KRT5: variants seen among roughly 807,000 people sequenced by gnomAD.
KRT5 encodes keratin, type II cytoskeletal 5.
In KRT5, 17 loss-of-function variants were observed where a neutral mutation model predicts 44.0. The ratio of observed to expected loss-of-function variants is 0.39; its 90% CI spans 0.26 to 0.58. The LOEUF is 0.58. Ranked by LOEUF, KRT5 falls within the 20% of genes least tolerant of loss-of-function variation. The probability of loss-of-function intolerance (pLI) is 0.61; values close to 1 mark genes in which losing one functional copy is unlikely to be tolerated. For synonymous variants in KRT5, 329 were observed against 312.8 expected (o/e 1.05, Z -0.55); for missense variants, 737 against 785.5 (o/e 0.94, Z 0.74).
At position 52,519,859 on chromosome 12, in the gene KRT5, G is replaced by T; in HGVS notation, c.438C>A (p.Asn146Lys). ...PPGGIQEVTV[N>K]QSLLTPLNLQ... ...GGTTGAGGGGAGTCAGGAGACTCTGGTTGACAGTGACCTCTTGGATACCTC... is the reference window on the plus strand; with the variant it reads ...GGTTGAGGGGAGTCAGGAGACTCTGTTTGACAGTGACCTCTTGGATACCTC... The change falls in exon 1 of 9, where the codon AAC (asparagine) becomes AAA (lysine). Residue 146 changes from asparagine (N) to lysine (K), a missense_variant. By Grantham distance (94) the Asn-to-Lys change is moderately conservative. This residue lies in a region of KRT5 where 326 missense variants were observed against 333.1 expected (regional missense o/e 0.98). Coordinates refer to ENST00000252242, the MANE Select transcript of KRT5 (RefSeq NM_000424.4). 1 of 1,613,834 alleles carries T rather than the reference G, an allele frequency of 6.2e-7. No individual in the cohort carries two copies. The highest frequency in any genetic ancestry group is 8.5e-7 in the Non-Finnish European group (1 of 1,179,980).
rs552561992 is a variant in KRT5 at position 52,517,898 on chromosome 12, G to A, written c.926C>T (p.Ala309Val). Reference sequence around the variant, plus strand: ...GAAAAATTTAGATAAGTTTCTTACCGCATCAAAGAACATCTTCATGAAGTT... The same window carrying A: ...GAAAAATTTAGATAAGTTTCTTACCACATCAAAGAACATCTTCATGAAGTT... ...EINFMKMFFD[A>V]ELSQMQTHVS... The change falls in exon 4 of 9, where the codon GCG becomes GTG. Residue 309 changes from alanine to valine, a missense_variant and splice_region_variant. Coordinates refer to ENST00000252242, the MANE Select transcript of KRT5 (RefSeq NM_000424.4). 7.6e-5 allele frequency: 123 copies of A among 1,613,242 alleles called. 2 individuals carry two copies. In the South Asian group the frequency reaches 1.1e-3, roughly 14 times the overall value.
intron 1 of KRT5, 141 bp from the exon 2 acceptor site, chr12:52,519,301 G>A: frequency 7.5e-7 from 1 of 1,325,300 alleles, no homozygotes; most frequent in Non-Finnish European, 1.1e-6. Context: ...AGGAGGGGAG[G>A]TGCAGACTGA....
Position 52,519,880 on chromosome 12 carries a change from A to G in KRT5, c.417T>C (p.Gly139=), listed in dbSNP as rs1592195369. 1 of 1,613,466 alleles carries G rather than the reference A, an allele frequency of 6.2e-7. No homozygotes were observed. Among genetic ancestry groups the G allele is most frequent in the Non-Finnish European group, 8.5e-7 (1 of 1,179,948 alleles). Residue 139 remains glycine, a synonymous_variant, in exon 1 of 9, where the codon GGT becomes GGC. Coordinates refer to ENST00000252242, the MANE Select transcript of KRT5 (RefSeq NM_000424.4). ...GPGFPVCPPG[G]IQEVTVNQSL... is the part of the protein sequence containing the mutation. ...TCTGGTTGACAGTGACCTCTTGGATACCTCCAGGAGGGCAGACAGGAAAGC... is the reference window on the plus strand; with the variant it reads ...TCTGGTTGACAGTGACCTCTTGGATGCCTCCAGGAGGGCAGACAGGAAAGC...
chr12:52,517,925 A>T lies in KRT5; in HGVS notation c.899T>A (p.Ile300Asn). ...EAKVDALMDE[I>N]NFMKMFFDAE... ...ATCAAAGAACATCTTCATGAAGTTA[A>T]TCTCATCCATCAGTGCATCAACCTT... Residue 300 changes from isoleucine to asparagine, a missense_variant, in exon 4 of 9, where the codon ATT becomes AAT. Coordinates refer to ENST00000252242, the MANE Select transcript of KRT5 (RefSeq NM_000424.4). 6.2e-7 allele frequency: 1 copy of T among 1,614,240 alleles called. No individual in the cohort carries two copies. The highest frequency in any genetic ancestry group is 2.2e-5 in the East Asian group (1 of 44,892).
Position 52,519,735 on chromosome 12 carries a change from A to G in KRT5, c.555+7T>C, listed in dbSNP as rs752330859. ...ACAGTGATTTTTTACAAAAGATCGT[A>G]GCTCACCTTGTCGATGAAGGAGGCA... On this transcript the variant is annotated splice_region_variant and intron_variant, in intron 1 of 8. Coordinates refer to ENST00000252242, the MANE Select transcript of KRT5 (RefSeq NM_000424.4). 1 of 1,613,034 alleles carries G rather than the reference A, an allele frequency of 6.2e-7. No homozygotes were observed. The highest frequency in any genetic ancestry group is 8.5e-7 in the Non-Finnish European group (1 of 1,179,092).
chr12:52,518,866 G>T, intron 2 of KRT5, 80 bp downstream of exon 2: 1 of 1,539,254 alleles, frequency 6.5e-7, no homozygotes, highest in Non-Finnish European at 9.0e-7. Flanking sequence ...AGGAAGGCAT[G>T]GTAGTAGACT....
At position 52,517,746 on chromosome 12, in the gene KRT5, G is replaced by A. The variant is rs1215944283; in HGVS notation, c.936C>T (p.Ser312=). The change falls in exon 5 of 9, where the codon TCC becomes TCT. Residue 312 remains serine, a synonymous_variant. Coordinates refer to ENST00000252242, the MANE Select transcript of KRT5 (RefSeq NM_000424.4). The part of the protein sequence containing the change: ...FMKMFFDAEL[S]QMQTHVSDTS... ...TGTCAGAGACATGCGTCTGCATCTG[G>A]GACAGCTCCTGCAGGGAGATTTGGA... is the stretch of plus-strand genomic sequence containing the variant. 1 of 1,614,200 alleles carries A rather than the reference G, an allele frequency of 6.2e-7. No homozygotes were observed. The highest frequency in any genetic ancestry group is 1.7e-5 in the Admixed American group (1 of 60,026).
rs376462752 is a variant in KRT5, at chr12:52,519,176, G to A, written c.556-16C>T. The A allele has an allele frequency of 1.3e-4, 208 of 1,613,850 alleles. No homozygotes were observed. Among genetic ancestry groups the A allele is most frequent in the Non-Finnish European group, 1.7e-4 (201 of 1,179,924 alleles). On this transcript the variant is annotated splice_polypyrimidine_tract_variant and intron_variant, in intron 1 of 8. Transcript: ENST00000252242. ...GGAACCGCACCTGGAGGGGAGCAGG[G>A]TTTGAAGATAGAGAAACTTGGATTT...
chr12:52,517,862 C>T (rs1592194325), intron 4 of KRT5, 35 bp downstream of exon 4: 1 of 1,608,214 alleles, frequency 6.2e-7, no homozygotes, highest in Middle Eastern at 1.7e-4. Context: ...GGAAAAAAAA[C>T]CCACCCATGT....
At position 52,514,892 on chromosome 12, in the gene KRT5, T is replaced by A. The variant is rs557105004; in HGVS notation, c.*50A>T. On this transcript the variant is annotated 3_prime_UTR_variant, in exon 9 of 9. Transcript: ENST00000252242. ...GAGCAACTGCCTAGAAGAGGCAATCTCCATGGGCTGGGTTGCTGCACTTGG... is the reference window on the plus strand; with the variant it reads ...GAGCAACTGCCTAGAAGAGGCAATCACCATGGGCTGGGTTGCTGCACTTGG... 7.2e-6 allele frequency: 11 copies of A among 1,526,274 alleles called. No individual in the cohort carries two copies. In the East Asian group the frequency reaches 2.5e-4, roughly 34 times the overall value. 94.5% of individuals were successfully genotyped at this position (1,526,274 alleles called of 1,614,324 possible).
intron 1 of KRT5, 69 bp downstream of exon 1, chr12:52,519,673 T>G (rs1938677210): frequency 6.8e-7 from 1 of 1,480,948 alleles, no homozygotes; most frequent in African/African-American, 1.4e-5. Flanking sequence ...CAAAACATCT[T>G]CCTTCTTTCT....
In KRT5 at chr12:52,520,305, G is replaced by A; in HGVS notation, c.-9C>T. ...CTTGACTGGCGAGACATGGTGGCTTGTTCCTGGTGGAGCAAGAGAACCAGG... is the reference window on the plus strand; with the variant it reads ...CTTGACTGGCGAGACATGGTGGCTTATTCCTGGTGGAGCAAGAGAACCAGG... On this transcript the variant is annotated 5_prime_UTR_variant, in exon 1 of 9. Transcript: ENST00000252242. 1.2e-6 allele frequency: 2 copies of A among 1,612,402 alleles called. No homozygotes were observed. Among genetic ancestry groups the A allele is most frequent in the Non-Finnish European group, 1.7e-6 (2 of 1,179,898 alleles).
chr12:52,515,926 T>C lies in KRT5; in HGVS notation c.1440-94A>G, dbSNP rs369679157. 2.6e-5 allele frequency: 28 copies of C among 1,092,984 alleles called. 1 individual carries two copies. Among genetic ancestry groups the C allele is most frequent in the South Asian group, 1.8e-4 (14 of 79,598 alleles). 67.7% of individuals were successfully genotyped at this position (1,092,984 alleles called of 1,614,324 possible). A position where few individuals can be genotyped will look rare whatever the true frequency, so the allele number is the denominator to read the frequency against. On this transcript the variant is annotated intron_variant, in intron 7 of 8. Coordinates refer to ENST00000252242, the MANE Select transcript of KRT5 (RefSeq NM_000424.4). ...CTCCCATCCTCATGATTCGAGTTCA[T>C]TCCATAAGCCAGGAGTCTGTACACC...
At position 52,520,131 on chromosome 12, in the gene KRT5, C is replaced by G; in HGVS notation, c.166G>C (p.Gly56Arg). 1 of 1,614,076 alleles carries G rather than the reference C, an allele frequency of 6.2e-7. No individual in the cohort carries two copies. The change falls in exon 1 of 9, where the codon GGA (glycine) becomes CGA (arginine). Residue 56 changes from glycine to arginine, a missense_variant. Coordinates refer to ENST00000252242, the MANE Select transcript of KRT5 (RefSeq NM_000424.4). ...FGRVSLAGAC[G>R]VGGYGSRSLY... ...CTCCGGCTGCCATAGCCACCCACTC[C>G]ACAAGCACCCGCAAGGCTGACCCTG...
chr12:52,518,087 TC>T lies in KRT5; in HGVS notation c.831+15del. 6.2e-7 allele frequency: 1 copy of T among 1,614,124 alleles called. No homozygotes were observed. The highest frequency in any genetic ancestry group is 8.5e-7 in the Non-Finnish European group (1 of 1,179,964). ...GCATAGCTGCAGGCTGCTGGTTCTCTCCCACCCACACGCACCTTCTTCAGCA... is the reference window on the plus strand; with the variant it reads ...GCATAGCTGCAGGCTGCTGGTTCTCTCCACCCACACGCACCTTCTTCAGCA... On this transcript the variant is annotated intron_variant, in intron 3 of 8. Transcript: ENST00000252242.
At position 52,520,021 on chromosome 12, in the gene KRT5, TCCAGCA is replaced by T; in HGVS notation, c.270_275del (p.Ala91_Gly92del). On this transcript the variant is annotated inframe_deletion, in exon 1 of 9. Coordinates refer to ENST00000252242, the MANE Select transcript of KRT5 (RefSeq NM_000424.4). ...CACCACCTCCAAAGCCATAGCCGCC[TCCAGCA>T]CCAGCACCAAACCGGTTCCTGAAGC... is the stretch of plus-strand genomic sequence containing the variant. 1 of 1,613,550 alleles carries T rather than the reference TCCAGCA, an allele frequency of 6.2e-7. No individual in the cohort carries two copies. The highest frequency in any genetic ancestry group is 8.5e-7 in the Non-Finnish European group (1 of 1,179,930).
rs1214529951 is a variant in KRT5, at chr12:52,515,206, G to A, written c.1509C>T (p.Gly503=). 3 of 1,610,028 alleles carry A rather than the reference G, an allele frequency of 1.9e-6. No individual in the cohort carries two copies. Among genetic ancestry groups the A allele is most frequent in the Non-Finnish European group, 8.5e-7 (1 of 1,179,838 alleles). ...VVTSSVSSGY[G]SGSGYGGGLG... is the part of the protein sequence containing the mutation. ...GGCCACCGCCATAGCCACTGCCACT[G>A]CCATATCCAGAGGAAACACTGCTTG... The change falls in exon 9 of 9, where the codon GGC becomes GGT. Residue 503 remains glycine, a synonymous_variant. Coordinates refer to ENST00000252242, the MANE Select transcript of KRT5 (RefSeq NM_000424.4).
chr12:52,517,617 T>C lies in KRT5; in HGVS notation c.1065A>G (p.Thr355=). The change falls in exon 5 of 9, where the codon ACA becomes ACG. Residue 355 remains threonine (T), a synonymous_variant. Transcript: ENST00000252242. ...QYEEIANRSR[T]EAESWYQTKY... ...TGGTCTGATACCAGGACTCGGCTTC[T>C]GTCCGGCTGCGGTTGGCAATCTCCT... 1.2e-6 allele frequency: 2 copies of C among 1,614,076 alleles called. No homozygotes were observed. Among genetic ancestry groups the C allele is most frequent in the Non-Finnish European group, 1.7e-6 (2 of 1,179,988 alleles).
chr12:52,517,617 T>A lies in KRT5; in HGVS notation c.1065A>T (p.Thr355=). 6.2e-7 allele frequency: 1 copy of A among 1,614,076 alleles called. No homozygotes were observed. The highest frequency in any genetic ancestry group is 8.5e-7 in the Non-Finnish European group (1 of 1,179,988). ...QYEEIANRSR[T]EAESWYQTKY... ...TGGTCTGATACCAGGACTCGGCTTC[T>A]GTCCGGCTGCGGTTGGCAATCTCCT... Residue 355 remains threonine (T), a synonymous_variant, in exon 5 of 9, where the codon ACA becomes ACT. Transcript: ENST00000252242.
Sources: gnomAD v4.1 joint callset for allele counts on GRCh38, gnomAD v4.1.1 for gene constraint, gnomAD v4.1.1 regional missense constraint, MANE v1.5 for transcripts, NCBI Gene and HGNC (gene_info 2026-07-23, HGNC 2026-07-21) for gene names.